Variants in NEDD4 observed in about 807,000 individuals in gnomAD.
NEDD4 encodes E3 ubiquitin-protein ligase NEDD4.
In NEDD4, 99 loss-of-function variants were observed where a neutral mutation model predicts 144.9. The observed-to-expected ratio is 0.68, with a 90% CI of 0.58 to 0.81. NEDD4 has a LOEUF of 0.81. Ranked by LOEUF, NEDD4 falls within the 30% of genes least tolerant of loss-of-function variation. The probability of loss-of-function intolerance (pLI) is 0.00; values close to 1 mark genes in which losing one functional copy is unlikely to be tolerated. For missense variants in NEDD4, 985 were observed against 1,065.9 expected (o/e 0.92, Z 1.06); for synonymous variants, 318 against 350.6 (o/e 0.91, Z 1.04).
At chr15:55,895,354 T>G (rs1176627332) in intron 5 of NEDD4, among the ~76,000 whole-genome samples, 3 of 152,252 alleles carry the variant, frequency 2.0e-5, no homozygotes, top group African/African-American at 7.2e-5. Flanking sequence ...CGACTGCTAC[T>G]GTTGCAAATA....
chr15:55,859,428 T>C (rs1221379166), intron 11 of NEDD4, among the ~76,000 whole-genome samples: 1 of 152,224 alleles, frequency 6.6e-6, no homozygotes, highest in Non-Finnish European at 1.5e-5. Context: ...AAGCAGTGGC[T>C]CATGCCTGTA....
At chr15:55,938,917 G>A (rs1466645777) in intron 4 of NEDD4, among the ~76,000 whole-genome samples, 2 of 152,162 alleles carry the variant, frequency 1.3e-5, no homozygotes, top group East Asian at 3.9e-4. Context: ...ACCAGCCTGG[G>A]CAAAACAGTG....
In NEDD4 at chr15:55,925,480, CAA is replaced by C; in HGVS notation, c.238-783_238-782del. Among the ~76,000 whole-genome samples, 2 of 152,220 alleles carry C rather than the reference CAA, an allele frequency of 1.3e-5. 1 individual carries two copies. Among genetic ancestry groups the C allele is most frequent in the Admixed American group, 1.3e-4 (2 of 15,290 alleles). On this transcript the variant is annotated intron_variant, in intron 4 of 28. Transcript: ENST00000435532. The stretch of plus-strand genomic sequence containing the variant: ...TTTACTATATAAAGTACATAGCAGT[CAA>C]AAGTATACACTGCGTTTTCACTTAA...
chr15:55,941,133 A>C (rs1472785571), intron 4 of NEDD4, among the ~76,000 whole-genome samples: 1 of 152,022 alleles, frequency 6.6e-6, no homozygotes, highest in African/African-American at 2.4e-5. Flanking sequence ...TCTCTCTCAT[A>C]TAAGGCCAGC....
chr15:55,828,533 T>TGAG lies in NEDD4; in HGVS notation c.*1363_*1364insCTC, dbSNP rs2032796158. ...GCCTTATTCTGCTTACGCCTACTTT[T>TGAG]GATTGTTTTACAAATTCATAGACAC... is the stretch of plus-strand genomic sequence containing the variant. On this transcript the variant is annotated 3_prime_UTR_variant, in exon 29 of 29. Coordinates refer to ENST00000435532, the MANE Select transcript of NEDD4 (RefSeq NM_006154.4). The TGAG allele has an allele frequency of 6.6e-6, 1 of 152,272 alleles. No individual in the cohort carries two copies. Among genetic ancestry groups the TGAG allele is most frequent in the South Asian group, 2.1e-4 (1 of 4,834 alleles). 9.4% of individuals were successfully genotyped at this position (152,272 alleles called of 1,614,324 possible).
chr15:55,980,628 C>A (rs941113724), intron 1 of NEDD4, among the ~76,000 whole-genome samples: 1 of 152,146 alleles, frequency 6.6e-6, no homozygotes, highest in African/African-American at 2.4e-5. Flanking sequence ...GAAAAGAGAT[C>A]GAGTGAATTC....
intron 12 of NEDD4, 147 bp from the exon 13 acceptor site, chr15:55,852,690 A>AAT (rs59736982): frequency 0.017 from 3,074 of 183,842 alleles, 77 homozygotes; most frequent in African/African-American, 0.07. Context: ...CTTTTCTAGA[A>AAT]ATATATATAT....
At chr15:55,967,133 C>G (rs1385978976) in intron 1 of NEDD4, among the ~76,000 whole-genome samples, 5 of 152,192 alleles carry the variant, frequency 3.3e-5, no homozygotes, top group Admixed American at 2.6e-4. Context: ...GATCTGCCTG[C>G]CTCAGCCTCC....
rs762055544 is a variant in NEDD4 at position 55,848,590 on chromosome 15, G to C, written c.1429-15C>G. On this transcript the variant is annotated splice_polypyrimidine_tract_variant and intron_variant, in intron 15 of 28. Transcript: ENST00000435532. ...TCCCATCCTGGCTATAATTAAAAAT[G>C]TATTTCAATTATTTTAGGAGAGGGG... 2.5e-6 allele frequency: 4 copies of C among 1,604,578 alleles called. No individual in the cohort carries two copies. Among genetic ancestry groups the C allele is most frequent in the Non-Finnish European group, 3.4e-6 (4 of 1,172,092 alleles).
intron 5 of NEDD4, among the ~76,000 whole-genome samples, chr15:55,910,567 T>C (rs1255227287): frequency 6.6e-6 from 1 of 152,134 alleles, no homozygotes; most frequent in Non-Finnish European, 1.5e-5. Flanking sequence ...CCCATCTCAC[T>C]GTATACCTTC....
chr15:55,965,847 C>T (rs2037503703), intron 2 of NEDD4, among the ~76,000 whole-genome samples: 1 of 152,076 alleles, frequency 6.6e-6, no homozygotes, highest in African/African-American at 2.4e-5. Flanking sequence ...GACAGGGTTT[C>T]ACCATGTTGG....
intron 1 of NEDD4, among the ~76,000 whole-genome samples, chr15:55,967,468 GT>G: frequency 6.8e-6 from 1 of 146,496 alleles, no homozygotes; most frequent in Non-Finnish European, 1.5e-5. Flanking sequence ...GTGTGTGTGT[GT>G]GTGTGTATGT....
At chr15:55,850,222 C>G (rs2033928859) in intron 14 of NEDD4, among the ~76,000 whole-genome samples, 1 of 152,046 alleles carries the variant, frequency 6.6e-6, no homozygotes, top group Admixed American at 6.6e-5. Context: ...GATATGGATT[C>G]AAAAGTGCTT....
chr15:55,979,197 T>C (rs1415160879), intron 1 of NEDD4, among the ~76,000 whole-genome samples: 1 of 151,704 alleles, frequency 6.6e-6, no homozygotes, highest in Non-Finnish European at 1.5e-5. Context: ...AAGTAATTAT[T>C]ATTATAACAG....
intron 1 of NEDD4, among the ~76,000 whole-genome samples, chr15:55,988,381 A>G (rs2037929689): frequency 7.7e-6 from 1 of 130,110 alleles, no homozygotes; most frequent in African/African-American, 3.0e-5. Flanking sequence ...GCTAGATGAC[A>G]CGTTAGTGGG....
chr15:55,890,263 T>A lies in NEDD4; in HGVS notation c.292-16255A>T, dbSNP rs535556783. 5.9e-5 allele frequency among the ~76,000 whole-genome samples: 9 copies of A among 152,304 alleles called. No individual in the cohort carries two copies. In the South Asian group the frequency reaches 1.9e-3, roughly 32 times the overall value. Reference sequence around the variant, plus strand: ...GTGTACAATTCAATGTTTTTTAGTATTTTCACAGAGTTGTTCAACCATTAG... The same window carrying A: ...GTGTACAATTCAATGTTTTTTAGTAATTTCACAGAGTTGTTCAACCATTAG... On this transcript the variant is annotated intron_variant, in intron 5 of 28. Transcript: ENST00000435532.
At chr15:55,905,169 T>G (rs949574982) in intron 5 of NEDD4, 1 of 394,710 alleles carries the variant, frequency 2.5e-6, no homozygotes, top group Non-Finnish European at 5.0e-6. Flanking sequence ...ATCAGCATGT[T>G]AAGAATTCTG....
At chr15:55,976,290 G>T (rs1038435665) in intron 1 of NEDD4, among the ~76,000 whole-genome samples, 5 of 152,140 alleles carry the variant, frequency 3.3e-5, no homozygotes, top group Admixed American at 3.3e-4. Context: ...TTAGGAGACA[G>T]ACCACAGAAT....
At position 55,838,539 on chromosome 15, in the gene NEDD4, C is replaced by A. The variant is rs1325139198; in HGVS notation, c.2097G>T (p.Arg699Ser). 3 of 1,612,870 alleles carry A rather than the reference C, an allele frequency of 1.9e-6. No homozygotes were observed. Among genetic ancestry groups the A allele is most frequent in the Non-Finnish European group, 2.5e-6 (3 of 1,179,450 alleles). ...CAAAAAGTTCTTCATCTATGATAAACCTGAGGTCCAATTCTGTTGGGTCAT... is the reference window on the plus strand; with the variant it reads ...CAAAAAGTTCTTCATCTATGATAAAACTGAGGTCCAATTCTGTTGGGTCAT... The part of the protein sequence containing the change: ...LENDPTELDL[R>S]FIIDEELFGQ... The change falls in exon 22 of 29, where the codon AGG (arginine) becomes AGT (serine). Residue 699 changes from arginine (R) to serine (S), a missense_variant. Transcript: ENST00000435532.
Sources: allele counts gnomAD v4.1 joint callset (sites outside exome capture counted in the v4.1 genomes callset), GRCh38; gene constraint gnomAD v4.1.1; transcripts MANE v1.5; gene names NCBI Gene and HGNC (gene_info 2026-07-23, HGNC 2026-07-21).